Variants in ABLIM2 observed in about 807,000 individuals in gnomAD.
The protein encoded by ABLIM2 is actin binding LIM protein family member 2.
ABLIM2 carries 53 observed loss-of-function variants against 97.7 expected under a neutral mutation model. That is an observed-to-expected ratio of 0.54 (90% CI 0.44 to 0.68). The LOEUF (loss-of-function observed/expected upper bound fraction) is 0.68, where lower values mean the gene tolerates loss of function less well. ABLIM2 is among the 30% of genes least tolerant of loss of function. The pLI is 0.00. For missense variants in ABLIM2, 835 were observed against 867.2 expected (o/e 0.96, Z 0.47); for synonymous variants, 361 against 345.8 (o/e 1.04, Z -0.49).
At chr4:8,157,336 C>A (rs1278154466) in intron 1 of ABLIM2, among the ~76,000 whole-genome samples, 3 of 152,248 alleles carry the variant, frequency 2.0e-5, no homozygotes, top group Non-Finnish European at 4.4e-5. Flanking sequence ...TTATCCCCAC[C>A]TGCCATTAGA....
At chr4:7,997,245 T>G (rs1371238571) in intron 16 of ABLIM2, among the ~76,000 whole-genome samples, 1 of 152,114 alleles carries the variant, frequency 6.6e-6, no homozygotes, top group African/African-American at 2.4e-5. Context: ...CTAACTTTTG[T>G]GTTTTTAGTA....
intron 2 of ABLIM2, among the ~76,000 whole-genome samples, chr4:8,102,133 A>G (rs1480426098): frequency 6.6e-6 from 1 of 152,054 alleles, no homozygotes; most frequent in Non-Finnish European, 1.5e-5. Context: ...CGGTCTTTGC[A>G]GGGATGTAGA....
intron 6 of ABLIM2, among the ~76,000 whole-genome samples, chr4:8,063,800 C>T (rs1242799916): frequency 6.6e-6 from 1 of 152,230 alleles, no homozygotes; most frequent in Admixed American, 6.5e-5. Flanking sequence ...TTTCCCCATT[C>T]TCTGTACTAT....
rs58396378 is a variant in ABLIM2 at position 8,089,732 on chromosome 4, CA to C, written c.339-1449del. On this transcript the variant is annotated intron_variant, in intron 3 of 20. Transcript: ENST00000447017. Reference sequence around the variant, plus strand: ...CTGGGCCAAAGAGTGAGATTCATATCAAAAAAAAAAAAAAAAAAAAAAAGCC... The same window carrying C: ...CTGGGCCAAAGAGTGAGATTCATATCAAAAAAAAAAAAAAAAAAAAAAGCC... Among the ~76,000 whole-genome samples the C allele has an allele frequency of 4.0e-3, 352 of 87,592 alleles. 3 individuals carry two copies. The highest frequency in any genetic ancestry group is 6.8e-3 in the Middle Eastern group (1 of 146). The allele number at this position is 87,592 out of a possible 152,430, so 57.5% of individuals were successfully genotyped here.
chr4:8,039,351 C>A (rs1786606978), intron 9 of ABLIM2, among the ~76,000 whole-genome samples: 1 of 152,214 alleles, frequency 6.6e-6, no homozygotes. Flanking sequence ...AGCTCCCAGC[C>A]TTCCTCAGGC....
chr4:8,032,659 T>C lies in ABLIM2; in HGVS notation c.1048-2883A>G, dbSNP rs936105312. ...AGGGTGGTGGTTACCTCGGTCGGCG[T>C]TGGCGAGAGCAACTGAGGGGACTGT... On this transcript the variant is annotated intron_variant, in intron 10 of 20. Transcript: ENST00000447017. This position sits in a 1 kb window ranked among gnomAD's most constrained non-coding sequence, Gnocchi z 4.3. 4 of 1,612,444 alleles carry C rather than the reference T, an allele frequency of 2.5e-6. No individual in the cohort carries two copies. Among genetic ancestry groups the C allele is most frequent in the Non-Finnish European group, 3.4e-6 (4 of 1,179,778 alleles).
chr4:8,096,532 A>AT (rs1561376751), intron 3 of ABLIM2, among the ~76,000 whole-genome samples: 1 of 152,178 alleles, frequency 6.6e-6, no homozygotes, highest in African/African-American at 2.4e-5. Flanking sequence ...CGAAGGTTCC[A>AT]TTTCTGTCTC....
Position 8,003,817 on chromosome 4 carries a change from G to A in ABLIM2, c.1618+4242C>T, listed in dbSNP as rs1388079671. ...TGACCTCAGGTGATCTGCCCGCCTC[G>A]GCCTCCCAAAGTGCTGGGATTACAG... On this transcript the variant is annotated intron_variant, in intron 16 of 20. Transcript: ENST00000447017. The surrounding 1 kb of genome is among the most constrained non-coding windows in gnomAD (Gnocchi z 4.2). Among the ~76,000 whole-genome samples the A allele has an allele frequency of 5.9e-5, 9 of 151,876 alleles. No individual in the cohort carries two copies. Among genetic ancestry groups the A allele is most frequent in the Non-Finnish European group, 1.3e-4 (9 of 67,980 alleles).
rs1848495085 is a variant in ABLIM2, at chr4:8,127,415, G to C, written c.11-20778C>G. The C allele has an allele frequency of 8.8e-7, 1 of 1,142,180 alleles. No homozygotes were observed. The highest frequency in any genetic ancestry group is 5.9e-5 in the East Asian group (1 of 16,942). 70.8% of individuals were successfully genotyped at this position (1,142,180 alleles called of 1,614,324 possible). A position where few individuals can be genotyped will look rare whatever the true frequency, so the allele number is the denominator to read the frequency against. On this transcript the variant is annotated intron_variant, in intron 1 of 20. Transcript: ENST00000447017. This position sits in a 1 kb window ranked among gnomAD's most constrained non-coding sequence, Gnocchi z 7.3. ...CTTCACGCAGGGCACAACTTGACTG[G>C]ACCCGTCCTTTCCCACCAGACCCCT...
chr4:7,980,046 A>G (rs970310884), intron 20 of ABLIM2, among the ~76,000 whole-genome samples: 1 of 152,222 alleles, frequency 6.6e-6, no homozygotes, highest in Non-Finnish European at 1.5e-5. Context: ...TTAGCCCTTG[A>G]TTAAGCCACA....
rs1489858412 is a variant in ABLIM2 at position 8,033,196 on chromosome 4, C to T, written c.1047+2953G>A. Among the ~76,000 whole-genome samples the T allele has an allele frequency of 6.6e-6, 1 of 152,208 alleles. No homozygotes were observed. On this transcript the variant is annotated intron_variant, in intron 10 of 20. Coordinates refer to ENST00000447017, the MANE Select transcript of ABLIM2 (RefSeq NM_001130083.2). The surrounding 1 kb of genome is among the most constrained non-coding windows in gnomAD (Gnocchi z 4.5). ...CCCAGGCTGGCACCCCATCCACCAC[C>T]ACCTGCACATATGTTCAGTGAGGAG...
rs1463720964 is a variant in ABLIM2, at chr4:7,996,123, G to C, written c.1619-3196C>G. On this transcript the variant is annotated intron_variant, in intron 16 of 20. Coordinates refer to ENST00000447017, the MANE Select transcript of ABLIM2 (RefSeq NM_001130083.2). The surrounding 1 kb of genome is among the most constrained non-coding windows in gnomAD (Gnocchi z 4.5). Reference sequence around the variant, plus strand: ...CTCCTTATCAGCAAAGGTGCTAGAGGGGTGGTTCTCAAACTGGCATCCCCA... The same window carrying C: ...CTCCTTATCAGCAAAGGTGCTAGAGCGGTGGTTCTCAAACTGGCATCCCCA... Among the ~76,000 whole-genome samples the C allele has an allele frequency of 6.6e-6, 1 of 152,156 alleles. No individual in the cohort carries two copies. The highest frequency in any genetic ancestry group is 2.4e-5 in the African/African-American group (1 of 41,442).
At chr4:8,049,517 G>A (rs1462387609) in intron 8 of ABLIM2, among the ~76,000 whole-genome samples, 1 of 152,158 alleles carries the variant, frequency 6.6e-6, no homozygotes, top group African/African-American at 2.4e-5. Flanking sequence ...GGTCAGACAT[G>A]CCTCACTATG....
chr4:8,133,147 G>A (rs1470199923), intron 1 of ABLIM2, among the ~76,000 whole-genome samples: 1 of 152,132 alleles, frequency 6.6e-6, no homozygotes, highest in Non-Finnish European at 1.5e-5. Flanking sequence ...CCGATGTCAC[G>A]TGGCCTCCTC....
At chr4:8,119,815 C>G (rs1270311428) in intron 1 of ABLIM2, among the ~76,000 whole-genome samples, 1 of 152,164 alleles carries the variant, frequency 6.6e-6, no homozygotes, top group Non-Finnish European at 1.5e-5. Flanking sequence ...GAAGTTGGGG[C>G]TTTTGCGAGG....
intron 6 of ABLIM2, among the ~76,000 whole-genome samples, chr4:8,074,239 A>G (rs1427538950): frequency 6.6e-6 from 1 of 152,114 alleles, no homozygotes; most frequent in Non-Finnish European, 1.5e-5. Flanking sequence ...GGATCACTTG[A>G]GGCCAAGAGT....
rs41266517 is a variant in ABLIM2, at chr4:8,077,728, T to C, written c.582-7A>G. Reference sequence around the variant, plus strand: ...GCAGTAGGGCAGCCCATCCCTGCAATGAGACAGGCAGTCAACACAGGGCGG... The same window carrying C: ...GCAGTAGGGCAGCCCATCCCTGCAACGAGACAGGCAGTCAACACAGGGCGG... On this transcript the variant is annotated splice_region_variant and splice_polypyrimidine_tract_variant and intron_variant, in intron 5 of 20. Coordinates refer to ENST00000447017, the MANE Select transcript of ABLIM2 (RefSeq NM_001130083.2). The C allele has an allele frequency of 1.5e-4, 245 of 1,609,168 alleles. No homozygotes were observed. The highest frequency in any genetic ancestry group is 2.0e-4 in the Non-Finnish European group (236 of 1,177,332).
chr4:8,027,028 G>C (rs1777865212), intron 12 of ABLIM2, among the ~76,000 whole-genome samples: 1 of 152,084 alleles, frequency 6.6e-6, no homozygotes. Context: ...GAGGGAGCGA[G>C]CTTTGGCGTC....
intron 14 of ABLIM2, among the ~76,000 whole-genome samples, chr4:8,012,513 CCCACCCAT>C (rs1765723311): frequency 6.7e-6 from 1 of 149,074 alleles, no homozygotes; most frequent in Non-Finnish European, 1.5e-5. Flanking sequence ...CATCTACCCA[CCCACCCAT>C]CCACCCATCT....
Sources: allele counts gnomAD v4.1 joint callset (sites outside exome capture counted in the v4.1 genomes callset), GRCh38; gene constraint gnomAD v4.1.1; non-coding constraint Gnocchi (gnomAD v3.1); transcripts MANE v1.5; gene names NCBI Gene and HGNC (gene_info 2026-07-23, HGNC 2026-07-21).